The following RMDN2 variants were observed in gnomAD, a reference collection of about 807,000 sequenced individuals.
RMDN2 encodes regulator of microtubule dynamics protein 2.
Under a neutral mutation model 52.8 loss-of-function variants are expected in RMDN2, and 61 were observed. The ratio of observed to expected loss-of-function variants is 1.16; its 90% CI spans 0.94 to 1.43. RMDN2 has a LOEUF of 1.43. RMDN2 is among the 40% of genes most tolerant of loss of function. The probability of loss-of-function intolerance (pLI) is 0.00; values close to 1 mark genes in which losing one functional copy is unlikely to be tolerated. For synonymous variants in RMDN2, 180 were observed against 153.1 expected (o/e 1.18, Z -1.30); for missense variants, 592 against 475.3 (o/e 1.25, Z -2.28).
At chr2:38,044,833 A>G (rs1301602638) in intron 10 of RMDN2, among the ~76,000 whole-genome samples, 3 of 152,120 alleles carry the variant, frequency 2.0e-5, no homozygotes. Context: ...TTATATAAAT[A>G]TTATGAAATT....
At chr2:37,987,882 A>G (rs1674246470) in intron 5 of RMDN2, among the ~76,000 whole-genome samples, 1 of 122,284 alleles carries the variant, frequency 8.2e-6, no homozygotes, top group Non-Finnish European at 1.6e-5. Context: ...AACATGGTGA[A>G]ATCCCATCTC....
intron 10 of RMDN2, among the ~76,000 whole-genome samples, chr2:38,023,416 T>C (rs1006964851): frequency 1.3e-5 from 2 of 152,244 alleles, no homozygotes; most frequent in East Asian, 1.9e-4. Context: ...AAAAATCTTA[T>C]ATTTGTATTT....
chr2:38,048,456 A>G (rs1358023431), intron 10 of RMDN2, among the ~76,000 whole-genome samples: 1 of 152,192 alleles, frequency 6.6e-6, no homozygotes, highest in African/African-American at 2.4e-5. Context: ...GGAAGCTTTC[A>G]GGATTACCTG....
intron 10 of RMDN2, among the ~76,000 whole-genome samples, chr2:38,014,920 T>A (rs1558555216): frequency 6.6e-6 from 1 of 152,170 alleles, no homozygotes; most frequent in African/African-American, 2.4e-5. Context: ...GCACAGAGAT[T>A]TATGAGAAAA....
intron 2 of RMDN2, chr2:37,951,758 A>G (rs368387990): frequency 2.3e-5 from 37 of 1,613,124 alleles, no homozygotes; most frequent in East Asian, 1.6e-4. Flanking sequence ...CTGCTCCTGA[A>G]TATAACACTA....
At chr2:37,981,642 A>G (rs1480303910) in intron 5 of RMDN2, among the ~76,000 whole-genome samples, 1 of 152,220 alleles carries the variant, frequency 6.6e-6, no homozygotes, top group Non-Finnish European at 1.5e-5. Flanking sequence ...TTTTGCTTGA[A>G]CACAAATACT....
exon 11 of RMDN2, chr2:38,067,007 C>T (rs369069749): frequency 4.3e-6 from 7 of 1,613,412 alleles, no homozygotes; most frequent in African/African-American, 2.7e-5. Flanking sequence ...AGATAAAGAG[C>T]CTTTGGTACC....
Position 37,946,328 on chromosome 2 carries a change from G to A in RMDN2, c.452+16599G>A, listed in dbSNP as rs1668218386. Among the ~76,000 whole-genome samples, 6 of 152,250 alleles carry A rather than the reference G, an allele frequency of 3.9e-5. No homozygotes were observed. In the South Asian group the frequency reaches 1.2e-3, roughly 32 times the overall value. ...TTTTTTCAGGGAGGGTGGACTGTAG[G>A]CCATCTTTTAGGGTGGAGGTGAATG... On this transcript the variant is annotated intron_variant, in intron 2 of 10. Coordinates refer to ENST00000354545, the MANE Select transcript of RMDN2 (RefSeq NM_001170791.3).
intron 10 of RMDN2, chr2:38,027,002 A>G (rs530060273): frequency 1.3e-5 from 2 of 152,226 alleles, no homozygotes; most frequent in Admixed American, 6.5e-5. Flanking sequence ...AGCAGTTTGT[A>G]CGACTTGAAT....
At chr2:37,925,228 G>A (rs1404421042), upstream of RMDN2, 2 of 152,314 alleles carry the variant, frequency 1.3e-5, no homozygotes, top group African/African-American at 4.8e-5. Flanking sequence ...CCACGAGAGG[G>A]AGAGGGGGCG....
Position 37,991,209 on chromosome 2 carries a change from G to A in RMDN2, c.868-11G>A. 1.3e-6 allele frequency: 2 copies of A among 1,523,592 alleles called. No individual in the cohort carries two copies. The highest frequency in any genetic ancestry group is 1.8e-6 in the Non-Finnish European group (2 of 1,119,788). The allele number at this position is 1,523,592 out of a possible 1,614,324, so 94.4% of individuals were successfully genotyped here. A position where few individuals can be genotyped will look rare whatever the true frequency, so the allele number is the denominator to read the frequency against. ...CTTGGGAGATGATTTTCCTTTGGATGCTTTTTTCAGGAACATCTAGATATA... is the reference window on the plus strand; with the variant it reads ...CTTGGGAGATGATTTTCCTTTGGATACTTTTTTCAGGAACATCTAGATATA... On this transcript the variant is annotated splice_polypyrimidine_tract_variant and intron_variant, in intron 6 of 10. Coordinates refer to ENST00000354545, the MANE Select transcript of RMDN2 (RefSeq NM_001170791.3).
At position 37,966,903 on chromosome 2, in the gene RMDN2, T is replaced by TA. The variant is rs144932230; in HGVS notation, c.453-7133dup. 2.6e-3 allele frequency among the ~76,000 whole-genome samples: 393 copies of TA among 152,274 alleles called. 4 individuals are homozygous for TA. Among genetic ancestry groups the TA allele is most frequent in the African/African-American group, 8.2e-3 (341 of 41,546 alleles). On this transcript the variant is annotated intron_variant, in intron 2 of 10. Transcript: ENST00000354545. ...TAAGAAGGATAAGACATTAGTTTGA[T>TA]AAAAGCCCCTATCAGAGCAACATGC... is the stretch of plus-strand genomic sequence containing the variant.
chr2:37,952,998 G>A (rs2124973734), intron 2 of RMDN2: 1 of 151,924 alleles, frequency 6.6e-6, no homozygotes, highest in South Asian at 2.1e-4. Flanking sequence ...GTAAGCAATT[G>A]AAAACATTTA....
intron 10 of RMDN2, among the ~76,000 whole-genome samples, chr2:38,010,152 G>T (rs905607417): frequency 1.4e-4 from 22 of 152,192 alleles, no homozygotes; most frequent in Non-Finnish European, 2.9e-5. Context: ...AGGCTACTCA[G>T]GGGTCAGGGA....
chr2:37,950,669 C>A, intron 2 of RMDN2: 2 of 1,436,616 alleles, frequency 1.4e-6, no homozygotes, highest in African/African-American at 1.4e-5. Flanking sequence ...CTTTAGTGCT[C>A]TCCTTTGTTT....
At chr2:37,950,704 C>A in intron 2 of RMDN2, 1 of 1,058,396 alleles carries the variant, frequency 9.4e-7, no homozygotes, top group Non-Finnish European at 1.5e-6. Context: ...ATATCCTGGA[C>A]TGTCCAGATA....
intron 8 of RMDN2, chr2:37,997,833 G>T (rs572273244): frequency 3.8e-4 from 104 of 270,482 alleles, no homozygotes; most frequent in African/African-American, 1.9e-3. Flanking sequence ...ACTTGAGCAT[G>T]TGCAGAAACA....
At chr2:38,051,710 A>ACT (rs375064239) in intron 10 of RMDN2, among the ~76,000 whole-genome samples, 7 of 151,604 alleles carry the variant, frequency 4.6e-5, no homozygotes, top group Non-Finnish European at 1.0e-4. Flanking sequence ...ATTTCATTCT[A>ACT]CTCTCTCTCT....
intron 10 of RMDN2, among the ~76,000 whole-genome samples, chr2:38,010,425 C>A (rs570947787): frequency 6.6e-6 from 1 of 152,336 alleles, no homozygotes; most frequent in East Asian, 1.9e-4. Flanking sequence ...CTCCCCTCCC[C>A]CAGCCTTGCT....
Sources: gnomAD v4.1 joint callset for allele counts (sites outside exome capture counted in the v4.1 genomes callset) on GRCh38, gnomAD v4.1.1 for gene constraint, MANE v1.5 for transcripts, NCBI Gene and HGNC (gene_info 2026-07-23, HGNC 2026-07-21) for gene names.